The following ALDH3B2 variants were observed in gnomAD, a reference collection of about 807,000 sequenced individuals.
ALDH3B2 encodes aldehyde dehydrogenase 3 family member B2, also known as aldehyde dehydrogenase family 3 member B2.
Under a neutral mutation model 36.7 loss-of-function variants are expected in ALDH3B2, and 45 were observed. That is an observed-to-expected ratio of 1.23 (90% CI 0.97 to 1.57). ALDH3B2 has a LOEUF of 1.57. Among genes scored for constraint, ALDH3B2 ranks in the 40% most tolerant of loss-of-function variants. ALDH3B2 has a pLI of 0.00. For missense variants in ALDH3B2, 464 were observed against 513.3 expected (o/e 0.90, Z 0.93); for synonymous variants, 217 against 226.5 (o/e 0.96, Z 0.38).
chr11:67,672,124 G>GTA (rs1856142350), intron 1 of ALDH3B2, among the ~76,000 whole-genome samples: 1 of 108,088 alleles, frequency 9.3e-6, no homozygotes, highest in African/African-American at 3.8e-5. Context: ...GTGTGTGTGT[G>GTA]TGTGTGTGTG....
chr11:67,666,401 C>T (rs200358408), exon 5 of ALDH3B2: 7 of 1,607,336 alleles, frequency 4.4e-6, no homozygotes, highest in Non-Finnish European at 4.2e-6. Context: ...CACGCAACTC[C>T]CTGCAGGGGC....
chr11:67,675,177 A>G (rs1856240656), upstream of ALDH3B2, among the ~76,000 whole-genome samples: 1 of 152,182 alleles, frequency 6.6e-6, no homozygotes, highest in Admixed American at 6.5e-5. Flanking sequence ...CGGCACCTGT[A>G]GCTCTAGGAT....
At chr11:67,663,486 C>T in intron 9 of ALDH3B2, 87 bp from the exon 10 acceptor site, 1 of 1,504,940 alleles carries the variant, frequency 6.6e-7, no homozygotes, top group Non-Finnish European at 9.1e-7. Context: ...GGGCACACAG[C>T]TGGCAGGGAG....
At chr11:67,666,606 G>A in exon 4 of ALDH3B2, 2 of 1,614,144 alleles carry the variant, frequency 1.2e-6, no homozygotes, top group Non-Finnish European at 1.7e-6. Flanking sequence ...GAGCACCAGG[G>A]TCAGGTTCAG....
At chr11:67,667,008 G>T in exon 3 of ALDH3B2, 1 of 1,588,476 alleles carries the variant, frequency 6.3e-7, no homozygotes, top group South Asian at 1.1e-5. Flanking sequence ...TGTCTGCCTC[G>T]AAAGCTGGCT....
intron 7 of ALDH3B2, 64 bp downstream of exon 7, chr11:67,665,221 C>G (rs540389399): frequency 2.3e-4 from 350 of 1,538,812 alleles, no homozygotes; most frequent in Non-Finnish European, 2.9e-4. Context: ...GTGGCCCAGC[C>G]GTGGGCCCTC....
chr11:67,665,618 G>T (rs748648154), exon 7 of ALDH3B2: 6 of 1,613,892 alleles, frequency 3.7e-6, no homozygotes, highest in Non-Finnish European at 5.1e-6. Context: ...AGGGTGACAG[G>T]CGTCAGGTGC....
rs1342448234 is a variant in ALDH3B2, at chr11:67,670,050, CTCTA to C, written c.-244-2419_-244-2416del. On this transcript the variant is annotated intron_variant, in intron 1 of 9. Coordinates refer to ENST00000349015, the Ensembl canonical transcript of ALDH3B2. ...TGGGTGTCTGTGTGTGTATGGGTGT[CTCTA>C]TGTGTATGGGTGTGTGTGTCCACAT... 2.6e-3 allele frequency among the ~76,000 whole-genome samples: 25 copies of C among 9,706 alleles called. 5 individuals carry two copies. Among genetic ancestry groups the C allele is most frequent in the Non-Finnish European group, 4.0e-3 (12 of 2,972 alleles). The allele number at this position is 9,706 out of a possible 152,430, so 6.4% of individuals were successfully genotyped here.
At chr11:67,666,000 G>A (rs1855896662) in intron 6 of ALDH3B2, 122 bp downstream of exon 6, 20 of 1,296,650 alleles carry the variant, frequency 1.5e-5, no homozygotes, top group Non-Finnish European at 2.1e-5. Flanking sequence ...CGGACTCTGT[G>A]CCAGCTCCAG....
At chr11:67,663,535 GA>G in intron 9 of ALDH3B2, 126 bp downstream of exon 9, 1 of 1,363,640 alleles carries the variant, frequency 7.3e-7, no homozygotes, top group Non-Finnish European at 1.0e-6. Context: ...CCATTTTACA[GA>G]TAGGGAAACT....
At chr11:67,664,534 C>A in exon 8 of ALDH3B2, 1 of 1,613,756 alleles carries the variant, frequency 6.2e-7, no homozygotes, top group Non-Finnish European at 8.5e-7. Flanking sequence ...CAGGCTCCGT[C>A]TCCTGCACGT....
At chr11:67,677,643 G>A (rs546629919), upstream of ALDH3B2, among the ~76,000 whole-genome samples, 195 of 152,214 alleles carry the variant, frequency 1.3e-3, 2 homozygotes, top group African/African-American at 4.5e-3. Flanking sequence ...CATCTGAATC[G>A]ATAAAGAGGA....
At chr11:67,672,347 G>T (rs183238550) in intron 1 of ALDH3B2, among the ~76,000 whole-genome samples, 239 of 151,074 alleles carry the variant, frequency 1.6e-3, no homozygotes, top group African/African-American at 5.7e-3. Context: ...TAGAGACGGG[G>T]TTTCACCATG....
chr11:67,671,605 G>A (rs757974747), intron 1 of ALDH3B2, among the ~76,000 whole-genome samples: 3 of 145,358 alleles, frequency 2.1e-5, no homozygotes, highest in Admixed American at 1.4e-4. Context: ...GGAGTGCAAT[G>A]CTGCGATCTC....
chr11:67,672,134 G>A (rs55680404), intron 1 of ALDH3B2, among the ~76,000 whole-genome samples: 91,915 of 97,538 alleles, frequency 0.94, 44,041 homozygotes, highest in South Asian at 1. Context: ...GTGTGTGTGT[G>A]TATATATATA....
upstream of ALDH3B2, among the ~76,000 whole-genome samples, chr11:67,678,786 C>T (rs182888406): frequency 1.5e-5 from 2 of 129,872 alleles, no homozygotes; most frequent in Non-Finnish European, 3.2e-5. Context: ...TATATACATA[C>T]TATGGTATAT....
Position 67,666,305 on chromosome 11 carries a change from G to A in ALDH3B2, c.237+11C>T, listed in dbSNP as rs2134134844. ...GGACGTCGGGCACTGCTGGGGCAGG[G>A]CCACCCTCACCTGGTCCAGGTACTG... On this transcript the variant is annotated intron_variant, in intron 5 of 9. Transcript: ENST00000349015. 1.2e-6 allele frequency: 2 copies of A among 1,609,204 alleles called. No homozygotes were observed. Among genetic ancestry groups the A allele is most frequent in the Non-Finnish European group, 1.7e-6 (2 of 1,177,690 alleles).
At chr11:67,678,703 G>GT (rs1462950614), upstream of ALDH3B2, among the ~76,000 whole-genome samples, 63 of 52,112 alleles carry the variant, frequency 1.2e-3, 1 homozygote, top group African/African-American at 2.6e-3. Flanking sequence ...ACACACTATG[G>GT]TGTCTATATA....
chr11:67,673,710 G>A (rs1470196660), intron 1 of ALDH3B2: 1 of 152,230 alleles, frequency 6.6e-6, no homozygotes, highest in Non-Finnish European at 1.5e-5. Context: ...CATCTCATCT[G>A]AGCCTCACAG....
Sources: allele counts gnomAD v4.1 joint callset (sites outside exome capture counted in the v4.1 genomes callset), GRCh38; gene constraint gnomAD v4.1.1; transcripts MANE v1.5; gene names NCBI Gene and HGNC (gene_info 2026-07-23, HGNC 2026-07-21).